Variants in TBC1D22A observed in about 807,000 individuals in gnomAD.
TBC1D22A encodes the protein putative GTPase activator.
Under a neutral mutation model 60.2 loss-of-function variants are expected in TBC1D22A, and 38 were observed. That is an observed-to-expected ratio of 0.63 (90% CI 0.49 to 0.83). The LOEUF (loss-of-function observed/expected upper bound fraction) is 0.83, where lower values mean the gene tolerates loss of function less well. Among genes scored for constraint, TBC1D22A ranks in the 40% least tolerant of loss-of-function variants. The pLI, the probability that TBC1D22A is intolerant of heterozygous loss-of-function variation, is 0.00. For synonymous variants in TBC1D22A, 302 were observed against 281.7 expected, an observed-to-expected ratio of 1.07 and a Z score of -0.72; for missense variants, 628 against 701.0, an observed-to-expected ratio of 0.90 and a Z score of 1.18.
chr22:47,042,467 A>G (rs1041658844), intron 11 of TBC1D22A, among the ~76,000 whole-genome samples: 5 of 152,214 alleles, frequency 3.3e-5, no homozygotes, highest in Admixed American at 2.6e-4. Context: ...GAGAATGAAG[A>G]TGATGCGGGG....
At chr22:46,847,015 C>T (rs2087029560) in intron 4 of TBC1D22A, among the ~76,000 whole-genome samples, 1 of 152,188 alleles carries the variant, frequency 6.6e-6, no homozygotes, top group African/African-American at 2.4e-5. Flanking sequence ...TGGGGTTCAG[C>T]AGTCCAGGGC....
intron 10 of TBC1D22A, among the ~76,000 whole-genome samples, chr22:47,003,732 C>T (rs1220816742): frequency 1.4e-5 from 2 of 138,736 alleles, no homozygotes; most frequent in Non-Finnish European, 3.1e-5. Context: ...ACACTCTACA[C>T]ACACATGCCT....
At chr22:47,108,938 G>T (rs546678778) in intron 11 of TBC1D22A, among the ~76,000 whole-genome samples, 3 of 152,230 alleles carry the variant, frequency 2.0e-5, no homozygotes, top group South Asian at 2.1e-4. Flanking sequence ...CTTGTGATCC[G>T]CCCGCTTCGG....
intron 11 of TBC1D22A, among the ~76,000 whole-genome samples, chr22:47,040,716 C>T (rs895488762): frequency 6.6e-6 from 1 of 152,108 alleles, no homozygotes; most frequent in Non-Finnish European, 1.5e-5. Flanking sequence ...GACTCAGCAG[C>T]AGAGGAGCAG....
At chr22:46,797,347 C>A in intron 3 of TBC1D22A, 97 bp from the exon 4 acceptor site, 2 of 1,364,268 alleles carry the variant, frequency 1.5e-6, no homozygotes, top group Non-Finnish European at 2.0e-6. Context: ...GAAGAAGGGA[C>A]CCATCAGCAT....
chr22:47,134,802 G>A (rs543414271), intron 12 of TBC1D22A, among the ~76,000 whole-genome samples: 57 of 152,228 alleles, frequency 3.7e-4, no homozygotes, highest in African/African-American at 1.1e-3. Flanking sequence ...TGTGACAACC[G>A]AGCACCCCCA....
chr22:47,108,041 G>C (rs1253536511), intron 11 of TBC1D22A, among the ~76,000 whole-genome samples: 1 of 152,104 alleles, frequency 6.6e-6, no homozygotes, highest in Non-Finnish European at 1.5e-5. Context: ...TAAAACCCAC[G>C]ATCTTCAAAA....
chr22:47,117,677 G>A (rs991457442), intron 12 of TBC1D22A, among the ~76,000 whole-genome samples: 1 of 152,198 alleles, frequency 6.6e-6, no homozygotes, highest in Non-Finnish European at 1.5e-5. Context: ...GGAGCCCAGC[G>A]CCAGCTTCGT....
intron 11 of TBC1D22A, among the ~76,000 whole-genome samples, chr22:47,071,917 C>G (rs1462079213): frequency 1.3e-5 from 2 of 152,176 alleles, no homozygotes; most frequent in Admixed American, 1.3e-4. Context: ...TGGGCTCAGT[C>G]ATGGCCTCTC....
At chr22:46,815,032 T>G (rs1286425024) in intron 4 of TBC1D22A, among the ~76,000 whole-genome samples, 1 of 152,248 alleles carries the variant, frequency 6.6e-6, no homozygotes, top group African/African-American at 2.4e-5. Flanking sequence ...GGCTTTATAA[T>G]AGTTATCAAA....
At chr22:47,004,635 CCT>C (rs2061521158) in intron 10 of TBC1D22A, among the ~76,000 whole-genome samples, 1 of 150,492 alleles carries the variant, frequency 6.6e-6, no homozygotes, top group East Asian at 2.0e-4. Flanking sequence ...CACATACACA[CCT>C]CTGTATACAC....
chr22:46,840,086 T>G (rs2086686074), intron 4 of TBC1D22A, among the ~76,000 whole-genome samples: 1 of 152,064 alleles, frequency 6.6e-6, no homozygotes, highest in African/African-American at 2.4e-5. Context: ...TAAGCAAAAA[T>G]AGACAAATGG....
chr22:47,076,656 T>C (rs2064239896), intron 11 of TBC1D22A, among the ~76,000 whole-genome samples: 2 of 152,060 alleles, frequency 1.3e-5, no homozygotes, highest in Non-Finnish European at 2.9e-5. Context: ...CTCCCTCCCA[T>C]TTTTCTTGTT....
chr22:46,785,222 A>G (rs1042903296), intron 1 of TBC1D22A, among the ~76,000 whole-genome samples: 1 of 152,162 alleles, frequency 6.6e-6, no homozygotes. Flanking sequence ...CTGGAATTAT[A>G]AGAGGGCTGA....
rs529431329 is a variant in TBC1D22A at position 47,097,430 on chromosome 22, A to G, written c.1330-14078A>G. On this transcript the variant is annotated intron_variant, in intron 11 of 12. Transcript: ENST00000337137. Reference sequence around the variant, plus strand: ...GGAGATCGAGACCAGCCTGGCCAACATGGTGAAACCCCATCTCTACTAAAA... The same window carrying G: ...GGAGATCGAGACCAGCCTGGCCAACGTGGTGAAACCCCATCTCTACTAAAA... 1.7e-4 allele frequency among the ~76,000 whole-genome samples: 26 copies of G among 152,284 alleles called. No individual in the cohort carries two copies. In the East Asian group the frequency reaches 4.6e-3, roughly 27 times the overall value.
chr22:46,905,384 A>G (rs1004981102), intron 7 of TBC1D22A, among the ~76,000 whole-genome samples: 5 of 152,214 alleles, frequency 3.3e-5, no homozygotes, highest in African/African-American at 1.2e-4. Context: ...ATAGCTTGCC[A>G]GCATGAAGAG....
intron 8 of TBC1D22A, among the ~76,000 whole-genome samples, chr22:46,964,776 CAGCAGGGGCACTGA>C (rs1306373800): frequency 2.6e-5 from 4 of 152,176 alleles, no homozygotes; most frequent in African/African-American, 4.8e-5. Context: ...ATGGATGGGC[CAGCAGGGGCACTGA>C]GGGCTGAGGG....
rs773727543 is a variant in TBC1D22A, at chr22:46,891,371, G to C, written c.814G>C (p.Val272Leu). The change falls in exon 6 of 13, where the codon GTT (valine) becomes CTT (leucine). Residue 272 changes from valine to leucine, a missense_variant. Physicochemically the swap from Val to Leu is conservative, Grantham distance 32. Transcript: ENST00000337137. ...CTATTACGATTCTAGGAACGACGAAGTTCACCAGGACACATACAGGCAGGT... is the reference window on the plus strand; with the variant it reads ...CTATTACGATTCTAGGAACGACGAACTTCACCAGGACACATACAGGCAGGT... ...EHYYDSRNDEVHQDTYRQIHI... is the reference protein window; with the variant it reads ...EHYYDSRNDELHQDTYRQIHI... 3.1e-6 allele frequency: 5 copies of C among 1,612,518 alleles called. No individual in the cohort carries two copies. Among genetic ancestry groups the C allele is most frequent in the Non-Finnish European group, 4.2e-6 (5 of 1,179,526 alleles).
At chr22:47,166,852 C>T (rs1394683613) in intron 12 of TBC1D22A, among the ~76,000 whole-genome samples, 1 of 152,214 alleles carries the variant, frequency 6.6e-6, no homozygotes, top group Non-Finnish European at 1.5e-5. Flanking sequence ...CAGGTGGGAG[C>T]TGGTGCTCCA....
Sources: gnomAD v4.1 joint callset for allele counts (sites outside exome capture counted in the v4.1 genomes callset) on GRCh38, gnomAD v4.1.1 for gene constraint, MANE v1.5 for transcripts, NCBI Gene and HGNC (gene_info 2026-07-23, HGNC 2026-07-21) for gene names.